Variants in TRAK1 observed in about 807,000 individuals in gnomAD.
The protein encoded by TRAK1 is trafficking kinesin protein 1, also known as trafficking kinesin-binding protein 1.
Under a neutral mutation model 92.1 loss-of-function variants are expected in TRAK1, and 33 were observed. The ratio of observed to expected loss-of-function variants is 0.36; its 90% CI spans 0.27 to 0.48. TRAK1 has a LOEUF of 0.48. Ranked by LOEUF, TRAK1 falls within the 20% of genes least tolerant of loss-of-function variation. The pLI is 0.99. For missense variants in TRAK1, 1,123 were observed against 1,257.9 expected (o/e 0.89, Z 1.62); for synonymous variants, 521 against 517.3 (o/e 1.01, Z -0.10).
At chr3:42,089,683 C>CCT (rs1001932641), upstream of TRAK1, among the ~76,000 whole-genome samples, 1 of 150,798 alleles carries the variant, frequency 6.6e-6, no homozygotes, top group Non-Finnish European at 1.5e-5. Context: ...TGACCCCCCC[C>CCT]CAATACAGAG....
chr3:42,197,020 A>T (rs1430673169), intron 10 of TRAK1, among the ~76,000 whole-genome samples: 1 of 150,928 alleles, frequency 6.6e-6, no homozygotes, highest in African/African-American at 2.4e-5. Flanking sequence ...ACACACACAC[A>T]CACACACACA....
At chr3:42,183,126 A>G (rs1704240662) in intron 3 of TRAK1, among the ~76,000 whole-genome samples, 1 of 152,228 alleles carries the variant, frequency 6.6e-6, no homozygotes, top group African/African-American at 2.4e-5. Flanking sequence ...AACATGAAAT[A>G]ATATTCTTAT....
Position 42,223,642 on chromosome 3 carries a change from A to T in TRAK1, c.2767A>T (p.Met923Leu). Residue 923 changes from methionine (M) to leucine (L), a missense_variant, in exon 16 of 16, where the codon ATG becomes TTG. Physicochemically the swap from Met to Leu is conservative, Grantham distance 15. This residue lies in a region of TRAK1 where 401 missense variants were observed against 438.9 expected (regional missense o/e 0.91). Coordinates refer to ENST00000327628, the MANE Select transcript of TRAK1 (RefSeq NM_001042646.3). This position sits in a 1 kb window ranked among gnomAD's most constrained non-coding sequence, Gnocchi z 6.1. ...GIRRNRSFPT[M>L]VGSSMQMKAP... ...CCGGCGGAATCGCAGCTTCCCCACCATGGTGGGATCTAGCATGCAGATGAA... is the reference window on the plus strand; with the variant it reads ...CCGGCGGAATCGCAGCTTCCCCACCTTGGTGGGATCTAGCATGCAGATGAA... 1 of 1,614,006 alleles carries T rather than the reference A, an allele frequency of 6.2e-7. No homozygotes were observed. The highest frequency in any genetic ancestry group is 8.5e-7 in the Non-Finnish European group (1 of 1,180,000).
chr3:42,153,017 T>C (rs1281014494), intron 2 of TRAK1, among the ~76,000 whole-genome samples: 2 of 152,178 alleles, frequency 1.3e-5, no homozygotes, highest in African/African-American at 4.8e-5. Context: ...GATAGCTCTT[T>C]GTAAGCGACG....
chr3:42,162,168 T>C (rs1440757117), intron 2 of TRAK1, among the ~76,000 whole-genome samples: 4 of 152,148 alleles, frequency 2.6e-5, no homozygotes, highest in Non-Finnish European at 4.4e-5. Flanking sequence ...TGTATGATTC[T>C]AGATTAAAGG....
intron 14 of TRAK1, among the ~76,000 whole-genome samples, chr3:42,213,921 A>G (rs1249868209): frequency 1.3e-5 from 2 of 152,130 alleles, no homozygotes; most frequent in African/African-American, 2.4e-5. Flanking sequence ...GTTGGCTCAC[A>G]CCCACCTGTA....
At chr3:42,194,523 A>G (rs553958173) in intron 9 of TRAK1, among the ~76,000 whole-genome samples, 1 of 152,184 alleles carries the variant, frequency 6.6e-6, no homozygotes, top group South Asian at 2.1e-4. Context: ...GCTGTAAGCC[A>G]TCATTCCTAG....
At chr3:42,126,644 T>TA in intron 2 of TRAK1, among the ~76,000 whole-genome samples, 1 of 152,222 alleles carries the variant, frequency 6.6e-6, no homozygotes, top group Admixed American at 6.5e-5. Context: ...CTGTGTCACT[T>TA]AAAAAAAAGT....
intron 15 of TRAK1, 92 bp from the exon 16 acceptor site, chr3:42,222,850 G>A (rs181649634): frequency 2.8e-6 from 4 of 1,417,902 alleles, no homozygotes; most frequent in East Asian, 2.3e-5. Flanking sequence ...GTCCTGGGTC[G>A]TCCCTACCCC....
At chr3:42,222,132 C>T (rs1292437915) in intron 15 of TRAK1, among the ~76,000 whole-genome samples, 1 of 152,166 alleles carries the variant, frequency 6.6e-6, no homozygotes. Context: ...CCTAGCAAGT[C>T]CCTAGTGAGC....
chr3:42,146,295 C>T (rs955054191), intron 2 of TRAK1: 32 of 307,792 alleles, frequency 1.0e-4, no homozygotes, highest in Middle Eastern at 1.3e-3. Flanking sequence ...GCCATTCTTC[C>T]AGAGTTCGTA....
chr3:42,086,311 C>CTTTTTTTTTTTTTTTTTTTTT (rs750932535), upstream of TRAK1, among the ~76,000 whole-genome samples: 1 of 140,478 alleles, frequency 7.1e-6, no homozygotes, highest in African/African-American at 2.8e-5. Flanking sequence ...CTTTTTCTTT[C>CTTTTTTTTTTTTTTTTTTTTT]TTTTTTTTTT....
At chr3:42,097,374 G>A (rs1041852855) in intron 1 of TRAK1, among the ~76,000 whole-genome samples, 4 of 152,162 alleles carry the variant, frequency 2.6e-5, no homozygotes, top group African/African-American at 9.7e-5. Context: ...GAGTCATAGA[G>A]GTTGTATATG....
At chr3:42,164,737 A>G (rs891945152) in intron 2 of TRAK1, among the ~76,000 whole-genome samples, 1 of 152,164 alleles carries the variant, frequency 6.6e-6, no homozygotes, top group African/African-American at 2.4e-5. Flanking sequence ...AACTTGCACA[A>G]TGAGAAAGCA....
intron 1 of TRAK1, among the ~76,000 whole-genome samples, chr3:42,115,301 A>G (rs1709031411): frequency 6.6e-6 from 1 of 152,160 alleles, no homozygotes; most frequent in South Asian, 2.1e-4. Flanking sequence ...GGCCTCCGTA[A>G]CAGGATCCTT....
intron 1 of TRAK1, among the ~76,000 whole-genome samples, chr3:42,102,342 T>A (rs886630874): frequency 6.6e-6 from 1 of 152,250 alleles, no homozygotes; most frequent in African/African-American, 2.4e-5. Flanking sequence ...GTTAAAGGTA[T>A]TAGAAGCTTC....
chr3:42,214,156 G>A (rs1709396502), intron 14 of TRAK1, among the ~76,000 whole-genome samples: 1 of 152,146 alleles, frequency 6.6e-6, no homozygotes, highest in Non-Finnish European at 1.5e-5. Context: ...CACTACAGAG[G>A]GCCCCCTGGT....
chr3:42,106,093 A>G (rs1707522598), intron 1 of TRAK1, among the ~76,000 whole-genome samples: 1 of 152,248 alleles, frequency 6.6e-6, no homozygotes, highest in African/African-American at 2.4e-5. Flanking sequence ...CATCAATGCT[A>G]GGAAGAAACT....
chr3:42,114,149 G>A (rs537316424), intron 1 of TRAK1, among the ~76,000 whole-genome samples: 10 of 152,246 alleles, frequency 6.6e-5, no homozygotes, highest in East Asian at 5.8e-4. Flanking sequence ...ATGTTGCAGC[G>A]TATATCAGTA....
Sources: allele counts gnomAD v4.1 joint callset (sites outside exome capture counted in the v4.1 genomes callset), GRCh38; gene constraint gnomAD v4.1.1; regional missense constraint gnomAD v4.1.1; non-coding constraint Gnocchi (gnomAD v3.1); transcripts MANE v1.5; gene names NCBI Gene and HGNC (gene_info 2026-07-23, HGNC 2026-07-21).